Variants in CHN2 observed in about 807,000 individuals in gnomAD.
CHN2 encodes the protein chimerin 2, also known as beta-chimaerin.
Under a neutral mutation model 56.3 loss-of-function variants are expected in CHN2, and 35 were observed. The observed-to-expected ratio is 0.62, with a 90% confidence interval of 0.47 to 0.82. The LOEUF is 0.82. Among genes scored for constraint, CHN2 ranks in the 40% least tolerant of loss-of-function variants. The pLI is 0.00. For synonymous variants in CHN2, 210 were observed against 212.8 expected, an observed-to-expected ratio of 0.99 and a Z score of 0.12; for missense variants, 491 against 580.5, an observed-to-expected ratio of 0.85 and a Z score of 1.58.
chr7:29,360,503 A>G (rs1274361981), intron 2 of CHN2, among the ~76,000 whole-genome samples: 1 of 152,154 alleles, frequency 6.6e-6, no homozygotes, highest in East Asian at 1.9e-4. Flanking sequence ...CTGGGCAACA[A>G]GTGCAAAACC....
chr7:29,296,710 A>G (rs553628071), intron 1 of CHN2, among the ~76,000 whole-genome samples: 1 of 152,332 alleles, frequency 6.6e-6, no homozygotes, highest in East Asian at 1.9e-4. Context: ...CTCATAGCTT[A>G]TGTGTACTCC....
At chr7:29,379,655 A>G (rs1427954457) in intron 3 of CHN2, among the ~76,000 whole-genome samples, 2 of 152,240 alleles carry the variant, frequency 1.3e-5, no homozygotes, top group African/African-American at 2.4e-5. Context: ...AATTTTCATT[A>G]TAAAACGTCA....
chr7:29,223,477 G>A (rs1785955140), intron 1 of CHN2, among the ~76,000 whole-genome samples: 1 of 152,080 alleles, frequency 6.6e-6, no homozygotes, highest in South Asian at 2.1e-4. Context: ...AATTAATTTT[G>A]CCTGTTTTTG....
At chr7:29,310,163 A>G (rs756980718) in intron 1 of CHN2, among the ~76,000 whole-genome samples, 2 of 152,252 alleles carry the variant, frequency 1.3e-5, no homozygotes, top group Non-Finnish European at 2.9e-5. Context: ...AAAATCAAGT[A>G]TGTGGACAAA....
At chr7:29,496,299 G>A (rs1439639531) in intron 8 of CHN2, among the ~76,000 whole-genome samples, 1 of 151,210 alleles carries the variant, frequency 6.6e-6, no homozygotes, top group Admixed American at 6.6e-5. Context: ...CTTACAATAG[G>A]CAGTAGTCCG....
intron 2 of CHN2, among the ~76,000 whole-genome samples, chr7:29,363,609 T>A (rs1798908159): frequency 6.6e-6 from 1 of 152,166 alleles, no homozygotes; most frequent in African/African-American, 2.4e-5. Context: ...TCAAGGGAGA[T>A]GGTACACAAA....
intron 1 of CHN2, among the ~76,000 whole-genome samples, chr7:29,248,281 C>G (rs573593171): frequency 1.3e-5 from 2 of 152,216 alleles, no homozygotes; most frequent in Admixed American, 6.5e-5. Flanking sequence ...GACCTGAGCT[C>G]TAGACTGGCA....
Position 29,328,700 on chromosome 7 carries a change from G to A in CHN2, c.50-25925G>A, listed in dbSNP as rs1585071127. On this transcript the variant is annotated intron_variant, in intron 1 of 12. Transcript: ENST00000222792. ...AAAAAAAAAAGAAACAGCAGAAAAA[G>A]GCTAATCCAGACCCTGAATCAACAT... 2.7e-5 allele frequency among the ~76,000 whole-genome samples: 4 copies of A among 150,630 alleles called. No homozygotes were observed. In the South Asian group the frequency reaches 8.4e-4, roughly 31 times the overall value.
At chr7:29,487,706 C>G (rs2128555309) in intron 7 of CHN2, among the ~76,000 whole-genome samples, 1 of 152,132 alleles carries the variant, frequency 6.6e-6, no homozygotes. Context: ...CTCCCCCTCC[C>G]TCCTTCCTTT....
chr7:29,303,571 A>AG, intron 1 of CHN2, among the ~76,000 whole-genome samples: 2 of 152,194 alleles, frequency 1.3e-5, no homozygotes, highest in East Asian at 3.9e-4. Context: ...GCCCTTCCGT[A>AG]GGGACTCCCC....
chr7:29,304,865 A>G (rs753755846), intron 1 of CHN2, among the ~76,000 whole-genome samples: 8 of 152,186 alleles, frequency 5.3e-5, no homozygotes, highest in Non-Finnish European at 1.0e-4. Context: ...GACACAATAG[A>G]CTGGGACCTG....
At chr7:29,167,749 T>C (rs1796095366) in intron 2 of CHN2, among the ~76,000 whole-genome samples, 1 of 152,236 alleles carries the variant, frequency 6.6e-6, no homozygotes, top group South Asian at 2.1e-4. Context: ...TTGTTTTCCC[T>C]AAACATTTCC....
chr7:29,473,466 TTGTGTTTTTTTTTTTTTGTGTGTGTGTG>T (rs1786283444), intron 6 of CHN2, among the ~76,000 whole-genome samples: 1 of 95,878 alleles, frequency 1.0e-5, no homozygotes. Flanking sequence ...GTGTGTGTGT[TTGTGTTTTTTTTTTTTTGTGTGTGTGTG>T]TGTGTGTGTG....
chr7:29,400,790 A>G lies in CHN2; in HGVS notation c.538A>G (p.Thr180Ala), dbSNP rs1389317133. Reference protein sequence around the residue: ...LSRSKNEPRKTNVTHEEHTAV... With the variant: ...LSRSKNEPRKANVTHEEHTAV... ...CAGGTCTAAAAATGAACCAAGAAAA[A>G]CAAACGTCACACATGAAGAACACAC... The change falls in exon 6 of 13, where the codon ACA (threonine) becomes GCA (alanine). Residue 180 changes from threonine to alanine, a missense_variant. Coordinates refer to ENST00000222792, the MANE Select transcript of CHN2 (RefSeq NM_004067.4). 5.6e-6 allele frequency: 9 copies of G among 1,614,072 alleles called. No homozygotes were observed. The highest frequency in any genetic ancestry group is 7.6e-6 in the Non-Finnish European group (9 of 1,179,998).
chr7:29,378,477 T>C (rs1349345173), intron 3 of CHN2, among the ~76,000 whole-genome samples: 3 of 152,326 alleles, frequency 2.0e-5, no homozygotes, highest in African/African-American at 4.8e-5. Context: ...GGAGACTGTT[T>C]TGGTAAATAA....
chr7:29,493,473 C>T (rs1035422806), intron 7 of CHN2, among the ~76,000 whole-genome samples: 7 of 152,090 alleles, frequency 4.6e-5, no homozygotes, highest in African/African-American at 1.7e-4. Context: ...CTTTGCTCCT[C>T]CTCTGACCTC....
chr7:29,340,194 A>G (rs1796934069), intron 1 of CHN2, among the ~76,000 whole-genome samples: 2 of 152,224 alleles, frequency 1.3e-5, no homozygotes. Context: ...CAATATTTCT[A>G]AATTTGTGTA....
intron 1 of CHN2, among the ~76,000 whole-genome samples, chr7:29,330,514 G>T (rs1401637069): frequency 6.6e-6 from 1 of 152,160 alleles, no homozygotes; most frequent in Non-Finnish European, 1.5e-5. Context: ...GCTGAAACTT[G>T]TCTTTTGAAA....
At chr7:29,196,628 G>T (rs753103936) in intron 1 of CHN2, among the ~76,000 whole-genome samples, 9 of 152,204 alleles carry the variant, frequency 5.9e-5, no homozygotes, top group African/African-American at 9.7e-5. Flanking sequence ...AAGAAAAGAC[G>T]AAAGGAGAAA....
Sources: allele counts gnomAD v4.1 joint callset (sites outside exome capture counted in the v4.1 genomes callset), GRCh38; gene constraint gnomAD v4.1.1; transcripts MANE v1.5; gene names NCBI Gene and HGNC (gene_info 2026-07-23, HGNC 2026-07-21).